CEP295: variants seen among roughly 807,000 people sequenced by gnomAD.
CEP295 encodes the protein centrosomal protein 295.
In CEP295, 190 loss-of-function variants were observed where a neutral mutation model predicts 291.6. That is an observed-to-expected ratio of 0.65 (90% CI 0.58 to 0.73). CEP295 has a LOEUF of 0.73. Ranked by LOEUF, CEP295 falls within the 30% of genes least tolerant of loss-of-function variation. The pLI is 0.00. For synonymous variants in CEP295, 993 were observed against 1,038.8 expected, an observed-to-expected ratio of 0.96 and a Z score of 0.85; for missense variants, 2,863 against 2,949.4, an observed-to-expected ratio of 0.97 and a Z score of 0.68.
intron 18 of CEP295, among the ~76,000 whole-genome samples, chr11:93,717,346 C>T (rs1953341855): frequency 6.6e-6 from 1 of 152,152 alleles, no homozygotes; most frequent in Admixed American, 6.6e-5. Flanking sequence ...GAGGAACGCA[C>T]CTATAGTTGA....
At chr11:93,681,872 T>TC (rs397712249) in intron 7 of CEP295, among the ~76,000 whole-genome samples, 1 of 151,408 alleles carries the variant, frequency 6.6e-6, no homozygotes, top group African/African-American at 2.4e-5. Context: ...TTTTTTTTTT[T>TC]AACCTCCCCT....
chr11:93,691,605 A>G (rs746588554), intron 10 of CEP295, 78 bp from the exon 11 acceptor site: 151 of 901,792 alleles, frequency 1.7e-4, no homozygotes, highest in Admixed American at 1.1e-3. Context: ...GAATGTGTTA[A>G]TACCAGAATT....
rs963940259 is a variant in CEP295 at position 93,723,021 on chromosome 11, T to G, written c.5948-20T>G. 5.8e-6 allele frequency: 9 copies of G among 1,545,832 alleles called. No individual in the cohort carries two copies. The highest frequency in any genetic ancestry group is 7.0e-6 in the Non-Finnish European group (8 of 1,144,088). ...TCACGCCTGGCCTATTTACATATTT[T>G]CATTAAACTCAATTTTCAGAGTCAT... On this transcript the variant is annotated intron_variant, in intron 20 of 29. Transcript: ENST00000325212.
rs200093269 is a variant in CEP295, at chr11:93,683,586, A to G, written c.793A>G (p.Lys265Glu). ...TCAGGAGAAACTAATGAAAGAACTC[A>G]AACAGCTACAGCAAGAGGACCTGGC... ...QNQEKLMKELKQLQQEDLARR... is the reference protein window; with the variant it reads ...QNQEKLMKELEQLQQEDLARR... The change falls in exon 8 of 30, where the codon AAA (lysine) becomes GAA (glutamate). Residue 265 changes from lysine (K) to glutamate (E), a missense_variant. Lys to Glu is a moderately conservative substitution (Grantham distance 56, BLOSUM62 1). Transcript: ENST00000325212. 9.2e-6 allele frequency: 14 copies of G among 1,519,770 alleles called. No individual in the cohort carries two copies. Among genetic ancestry groups the G allele is most frequent in the Non-Finnish European group, 6.1e-6 (7 of 1,138,798 alleles). 94.1% of individuals were successfully genotyped at this position (1,519,770 alleles called of 1,614,324 possible).
In CEP295 at chr11:93,684,056, G is replaced by A. The variant is rs1237968987; in HGVS notation, c.1042G>A (p.Glu348Lys). ...IQDEELDLSM[E>K]QENLGAAEDL... is the part of the protein sequence containing the mutation. ...AGATGAAGAGCTGGACCTTTCAATG[G>A]AACAAGAAAATTTGGGTGCAGCTGA... The change falls in exon 9 of 30, where the codon GAA becomes AAA. Residue 348 changes from glutamate (E) to lysine (K), a missense_variant. By Grantham distance (56) the Glu-to-Lys change is moderately conservative. Transcript: ENST00000325212. 6.4e-7 allele frequency: 1 copy of A among 1,551,614 alleles called. No individual in the cohort carries two copies. Among genetic ancestry groups the A allele is most frequent in the South Asian group, 1.2e-5 (1 of 84,054 alleles).
rs998857644 is a variant in CEP295 at position 93,727,308 on chromosome 11, A to G, written c.6832A>G (p.Ser2278Gly). The stretch of plus-strand genomic sequence containing the variant: ...ACACCAACTAGAAAGCAGAAAGGAA[A>G]GTATGGGCTTTGAAGAACTATCAAA... Reference protein sequence around the residue: ...TKHQLESRKESMGFEELSKRG... With the variant: ...TKHQLESRKEGMGFEELSKRG... The change falls in exon 24 of 30, where the codon AGT (serine) becomes GGT (glycine). Residue 2278 changes from serine to glycine, a missense_variant. Ser to Gly is a moderately conservative substitution (Grantham distance 56, BLOSUM62 0). Transcript: ENST00000325212. The G allele has an allele frequency of 6.4e-6, 10 of 1,551,574 alleles. No individual in the cohort carries two copies. In the African/African-American group the frequency reaches 1.1e-4, roughly 17 times the overall value.
At chr11:93,669,852 TA>T (rs759048266) in intron 5 of CEP295, 82 bp downstream of exon 5, 26 of 830,892 alleles carry the variant, frequency 3.1e-5, no homozygotes, top group African/African-American at 6.9e-5. Flanking sequence ...GACTATCACT[TA>T]AACTTAATTG....
chr11:93,667,894 A>G, intron 3 of CEP295, 87 bp downstream of exon 3: 1 of 884,526 alleles, frequency 1.1e-6, no homozygotes, highest in South Asian at 2.0e-5. Flanking sequence ...TTCTGATAAC[A>G]TTTTCATGCA....
chr11:93,711,510 GTTTT>G (rs1412095323), intron 18 of CEP295, among the ~76,000 whole-genome samples: 8 of 151,878 alleles, frequency 5.3e-5, no homozygotes, highest in African/African-American at 1.9e-4. Flanking sequence ...TTTTGTTTTT[GTTTT>G]TGTTTTGAGA....
chr11:93,686,837 T>C (rs1226321995), intron 9 of CEP295, among the ~76,000 whole-genome samples: 1 of 152,250 alleles, frequency 6.6e-6, no homozygotes, highest in Non-Finnish European at 1.5e-5. Flanking sequence ...CTTAGGTTTT[T>C]GTGCACCTTG....
In CEP295 at chr11:93,702,424, A is replaced by G. The variant is rs537601484; in HGVS notation, c.5275-36A>G. On this transcript the variant is annotated intron_variant, in intron 15 of 29. Transcript: ENST00000325212. ...GAATAATGCTTCACATGATCCCCCA[A>G]CTTGTGCTTCCCCACCCTCATCTCC... 2,848 of 1,431,226 alleles carry G rather than the reference A, an allele frequency of 2.0e-3. 9 individuals carry two copies. Among genetic ancestry groups the G allele is most frequent in the Non-Finnish European group, 2.5e-3 (2,647 of 1,074,478 alleles). 88.7% of individuals were successfully genotyped at this position (1,431,226 alleles called of 1,614,324 possible). A position where few individuals can be genotyped will look rare whatever the true frequency, so the allele number is the denominator to read the frequency against.
In CEP295 at chr11:93,695,777, G is replaced by A. The variant is rs1228596411; in HGVS notation, c.1671+143G>A. On this transcript the variant is annotated intron_variant, in intron 13 of 29. Transcript: ENST00000325212. ...TGTAATCTCAGCACTTTGGGTGGCC[G>A]AGACAGGCAGATCACTTCAGGTCAG... 4.7e-6 allele frequency: 4 copies of A among 857,016 alleles called. No individual in the cohort carries two copies. The African/African-American group carries it at 5.4e-5, about 12-fold the overall frequency. The allele number at this position is 857,016 out of a possible 1,614,324, so 53.1% of individuals were successfully genotyped here. A position where few individuals can be genotyped will look rare whatever the true frequency, so the allele number is the denominator to read the frequency against.
chr11:93,729,489 T>A lies in CEP295; in HGVS notation c.7358T>A (p.Val2453Glu). The A allele has an allele frequency of 6.4e-7, 1 of 1,551,944 alleles. No homozygotes were observed. The highest frequency in any genetic ancestry group is 8.7e-7 in the Non-Finnish European group (1 of 1,147,010). The change falls in exon 26 of 30, where the codon GTA becomes GAA. Residue 2453 changes from valine (V) to glutamate (E), a missense_variant. By Grantham distance (121) the Val-to-Glu change is moderately radical. Coordinates refer to ENST00000325212, the MANE Select transcript of CEP295 (RefSeq NM_033395.2). Reference protein sequence around the residue: ...SATEASDYPAVSELSIEKPRT... With the variant: ...SATEASDYPAESELSIEKPRT... ...ACAGAAGCCTCAGATTATCCAGCTG[T>A]ATCAGAACTTTCCATAGAAAAACCA... is the stretch of plus-strand genomic sequence containing the variant.
At chr11:93,690,379 A>G (rs922901059) in intron 10 of CEP295, among the ~76,000 whole-genome samples, 2 of 152,076 alleles carry the variant, frequency 1.3e-5, no homozygotes, top group Non-Finnish European at 2.9e-5. Context: ...ACATGGTGAA[A>G]CCCTGTCTCT....
chr11:93,724,928 C>G (rs1028209311), intron 22 of CEP295, among the ~76,000 whole-genome samples: 1 of 152,070 alleles, frequency 6.6e-6, no homozygotes, highest in Non-Finnish European at 1.5e-5. Context: ...TTTAAGCTCC[C>G]CAAGTGATTC....
chr11:93,701,438 G>T (rs981751786), intron 15 of CEP295, among the ~76,000 whole-genome samples: 5 of 152,180 alleles, frequency 3.3e-5, no homozygotes, highest in Non-Finnish European at 7.4e-5. Context: ...ATCCTTTGAT[G>T]TCGAGAAGAA....
At chr11:93,728,622 TTAGTTTAAG>T in intron 24 of CEP295, 50 bp from the exon 25 acceptor site, 1 of 1,433,288 alleles carries the variant, frequency 7.0e-7, no homozygotes, top group South Asian at 1.4e-5. Context: ...TACAAAACGA[TTAGTTTAAG>T]TCTTTTAAGG....
chr11:93,700,154 G>A lies in CEP295; in HGVS notation c.5242G>A (p.Glu1748Lys). Reference sequence around the variant, plus strand: ...GCAGCAGCAGATACAGAAACATGAAGAGACTTTGAAGGATTTCTTTAAAGA... The same window carrying A: ...GCAGCAGCAGATACAGAAACATGAAAAGACTTTGAAGGATTTCTTTAAAGA... Reference protein sequence around the residue: ...ALQQQIQKHEETLKDFFKDSQ... With the variant: ...ALQQQIQKHEKTLKDFFKDSQ... Residue 1748 changes from glutamate to lysine, a missense_variant, in exon 15 of 30, where the codon GAG becomes AAG. Glu to Lys is a moderately conservative substitution (Grantham distance 56, BLOSUM62 1). Around this residue, in one of 3 missense-constraint regions of CEP295, gnomAD observed 2,295 missense variants for 2,335.7 expected, o/e 0.98. Coordinates refer to ENST00000325212, the MANE Select transcript of CEP295 (RefSeq NM_033395.2). 2 of 1,550,172 alleles carry A rather than the reference G, an allele frequency of 1.3e-6. No individual in the cohort carries two copies. The highest frequency in any genetic ancestry group is 1.2e-5 in the South Asian group (1 of 83,690).
intron 3 of CEP295, among the ~76,000 whole-genome samples, chr11:93,668,444 G>A (rs949412095): frequency 5.3e-5 from 8 of 151,392 alleles, no homozygotes; most frequent in African/African-American, 1.9e-4. Context: ...TTAAGTTTGT[G>A]CCTAATGCAA....
Sources: allele counts gnomAD v4.1 joint callset (sites outside exome capture counted in the v4.1 genomes callset), GRCh38; gene constraint gnomAD v4.1.1; regional missense constraint gnomAD v4.1.1; transcripts MANE v1.5; gene names NCBI Gene and HGNC (gene_info 2026-07-23, HGNC 2026-07-21).